The following CNTN3 variants were observed in gnomAD, a reference collection of about 807,000 sequenced individuals.
CNTN3 encodes contactin-3.
A neutral mutation model predicts 119.1 loss-of-function variants in CNTN3; 60 were observed. That is an observed-to-expected ratio of 0.50 (90% CI 0.41 to 0.62). The LOEUF (loss-of-function observed/expected upper bound fraction) is 0.62. CNTN3 is among the 20% of genes least tolerant of loss of function. The pLI is 0.00. For synonymous variants in CNTN3, 450 were observed against 438.7 expected (o/e 1.03, Z -0.32); for missense variants, 1,101 against 1,242.4 (o/e 0.89, Z 1.71).
chr3:74,357,281 AATT>A (rs1272658322), intron 11 of CNTN3, among the ~76,000 whole-genome samples: 2 of 150,950 alleles, frequency 1.3e-5, no homozygotes, highest in Non-Finnish European at 1.5e-5. Flanking sequence ...CAGTTTATCC[AATT>A]ATTATTATTT....
At chr3:74,476,613 CA>C (rs1702660067) in intron 4 of CNTN3, among the ~76,000 whole-genome samples, 1 of 151,878 alleles carries the variant, frequency 6.6e-6, no homozygotes, top group African/African-American at 2.4e-5. Flanking sequence ...TCTGATCTAA[CA>C]AAACAACACT....
chr3:74,344,882 C>G (rs1430721057), intron 11 of CNTN3, among the ~76,000 whole-genome samples: 1 of 152,046 alleles, frequency 6.6e-6, no homozygotes, highest in Non-Finnish European at 1.5e-5. Flanking sequence ...CACACACACA[C>G]ACACACACAC....
intron 1 of CNTN3, among the ~76,000 whole-genome samples, chr3:74,590,472 A>G (rs1171541548): frequency 2.0e-5 from 3 of 151,920 alleles, no homozygotes; most frequent in Non-Finnish European, 2.9e-5. Context: ...TACAACACAG[A>G]GACAGGGACG....
At chr3:74,604,721 C>T (rs1308199548) in intron 1 of CNTN3, among the ~76,000 whole-genome samples, 1 of 151,938 alleles carries the variant, frequency 6.6e-6, no homozygotes, top group Non-Finnish European at 1.5e-5. Context: ...ATTACTGTAA[C>T]CATTATAGAA....
chr3:74,588,279 A>G (rs979172601), intron 1 of CNTN3, among the ~76,000 whole-genome samples: 28 of 152,206 alleles, frequency 1.8e-4, no homozygotes, highest in African/African-American at 4.8e-4. Context: ...AAATCAATGT[A>G]CAAAAATCAC....
intron 15 of CNTN3, 42 bp downstream of exon 15, chr3:74,301,605 C>G: frequency 6.2e-7 from 1 of 1,611,658 alleles, no homozygotes; most frequent in Non-Finnish European, 8.5e-7. Context: ...ACTTGAAATC[C>G]ATTTATATGT....
intron 2 of CNTN3, among the ~76,000 whole-genome samples, chr3:74,501,678 A>G (rs1243170849): frequency 1.3e-5 from 2 of 152,002 alleles, no homozygotes; most frequent in Non-Finnish European, 2.9e-5. Flanking sequence ...ACATCACCAC[A>G]CAATTAGCCC....
intron 3 of CNTN3, among the ~76,000 whole-genome samples, chr3:74,492,976 A>C (rs1003542926): frequency 3.3e-5 from 5 of 152,076 alleles, no homozygotes; most frequent in African/African-American, 1.2e-4. Flanking sequence ...TGAATAAAGC[A>C]ATCTAATTCT....
chr3:74,423,934 A>G lies in CNTN3; in HGVS notation c.454+911T>C, dbSNP rs562642612. ...CAACTCTTTGGGTGGAAAGGACTGT[A>G]ATTTGTATGTCACAGAACAAATAAA... is the stretch of plus-strand genomic sequence containing the variant. On this transcript the variant is annotated intron_variant, in intron 5 of 22. Coordinates refer to ENST00000263665, the MANE Select transcript of CNTN3 (RefSeq NM_020872.3). Among the ~76,000 whole-genome samples, 3 of 152,322 alleles carry G rather than the reference A, an allele frequency of 2.0e-5. No homozygotes were observed. The East Asian group carries it at 5.8e-4, about 29-fold the overall frequency.
chr3:74,549,199 C>T (rs994774874), intron 1 of CNTN3, among the ~76,000 whole-genome samples: 2 of 152,078 alleles, frequency 1.3e-5, no homozygotes, highest in Non-Finnish European at 2.9e-5. Context: ...AGAGTTCTCA[C>T]AAGATCTGGT....
At chr3:74,505,502 TACACAC>T (rs139877872) in intron 2 of CNTN3, among the ~76,000 whole-genome samples, 1 of 146,550 alleles carries the variant, frequency 6.8e-6, no homozygotes, top group Non-Finnish European at 1.5e-5. Flanking sequence ...TGTGCATAAA[TACACAC>T]ACACACACAC....
intron 11 of CNTN3, among the ~76,000 whole-genome samples, chr3:74,336,976 A>C (rs952623245): frequency 6.6e-6 from 1 of 152,100 alleles, no homozygotes; most frequent in Non-Finnish European, 1.5e-5. Flanking sequence ...TTTTCCAAAA[A>C]TATTAATATA....
At chr3:74,514,281 T>C (rs1264957411) in intron 2 of CNTN3, among the ~76,000 whole-genome samples, 1 of 152,130 alleles carries the variant, frequency 6.6e-6, no homozygotes, top group Non-Finnish European at 1.5e-5. Flanking sequence ...AAAAAGGATG[T>C]TGAATAATCT....
intron 12 of CNTN3, among the ~76,000 whole-genome samples, chr3:74,335,865 C>G (rs1392138442): frequency 6.6e-6 from 1 of 152,068 alleles, no homozygotes; most frequent in Non-Finnish European, 1.5e-5. Context: ...CAAATCTCTC[C>G]TTCTCAGTGA....
chr3:74,315,036 TC>T (rs1329405637), intron 13 of CNTN3, among the ~76,000 whole-genome samples: 1 of 152,148 alleles, frequency 6.6e-6, no homozygotes, highest in African/African-American at 2.4e-5. Flanking sequence ...CTGAAACCTA[TC>T]AAAATCAAGA....
chr3:74,450,618 C>T (rs530038154), intron 4 of CNTN3, among the ~76,000 whole-genome samples: 72 of 149,886 alleles, frequency 4.8e-4, no homozygotes, highest in African/African-American at 1.6e-3. Flanking sequence ...CCCACTAACT[C>T]GTCATCTAGC....
At chr3:74,453,810 A>G (rs1341796162) in intron 4 of CNTN3, among the ~76,000 whole-genome samples, 12 of 151,612 alleles carry the variant, frequency 7.9e-5, no homozygotes. Context: ...TTCAGTTTCC[A>G]TGTAGTTGGG....
At chr3:74,396,171 T>C (rs1231572554) in intron 5 of CNTN3, among the ~76,000 whole-genome samples, 1 of 152,066 alleles carries the variant, frequency 6.6e-6, no homozygotes, top group Non-Finnish European at 1.5e-5. Flanking sequence ...AGTGTTCAAG[T>C]GAAAAGAAGA....
At chr3:74,518,060 T>A (rs1185686054) in intron 2 of CNTN3, among the ~76,000 whole-genome samples, 1 of 152,008 alleles carries the variant, frequency 6.6e-6, no homozygotes, top group East Asian at 1.9e-4. Context: ...CTTTTGAGAC[T>A]GCTATTTTAA....
Sources: gnomAD v4.1 joint callset for allele counts (sites outside exome capture counted in the v4.1 genomes callset) on GRCh38, gnomAD v4.1.1 for gene constraint, MANE v1.5 for transcripts, NCBI Gene and HGNC (gene_info 2026-07-23, HGNC 2026-07-21) for gene names.